GOLGA1: variants seen among roughly 807,000 people sequenced by gnomAD.
GOLGA1 encodes golgin A1.
A neutral mutation model predicts 119.7 loss-of-function variants in GOLGA1; 63 were observed. The observed-to-expected ratio is 0.53, with a 90% CI of 0.43 to 0.65. The LOEUF (loss-of-function observed/expected upper bound fraction) is 0.65, where lower values mean the gene tolerates loss of function less well. GOLGA1 is among the 30% of genes least tolerant of loss of function. The probability of loss-of-function intolerance (pLI) is 0.00; values close to 1 mark genes in which losing one functional copy is unlikely to be tolerated. For missense variants in GOLGA1, 798 were observed against 912.8 expected, an observed-to-expected ratio of 0.87 and a Z score of 1.62; for synonymous variants, 318 against 333.4, an observed-to-expected ratio of 0.95 and a Z score of 0.50.
intron 12 of GOLGA1, among the ~76,000 whole-genome samples, chr9:124,902,052 A>C (rs1830117994): frequency 6.6e-6 from 1 of 152,192 alleles, no homozygotes; most frequent in Admixed American, 6.5e-5. Context: ...TACATCTATG[A>C]ATTTCTCTTA....
At chr9:124,920,417 A>G (rs1030471549) in intron 10 of GOLGA1, among the ~76,000 whole-genome samples, 2 of 151,868 alleles carry the variant, frequency 1.3e-5, no homozygotes, top group African/African-American at 4.8e-5. Flanking sequence ...ACTACTTTAT[A>G]TTCAAAAATA....
intron 19 of GOLGA1, 34 bp from the exon 20 acceptor site, chr9:124,882,603 G>A (rs596231): frequency 1 from 1,580,154 of 1,585,470 alleles, 787,559 homozygotes; most frequent in East Asian, 1. Flanking sequence ...AAAGCCAATC[G>A]TTAGATGCAT....
At chr9:124,892,889 G>A (rs908390093) in intron 15 of GOLGA1, among the ~76,000 whole-genome samples, 5 of 146,292 alleles carry the variant, frequency 3.4e-5, no homozygotes, top group South Asian at 4.3e-4. Context: ...CCGAGATCAC[G>A]CCATTGCACT....
intron 15 of GOLGA1, 25 bp from the exon 16 acceptor site, chr9:124,890,503 C>T (rs772470633): frequency 1.3e-6 from 2 of 1,562,432 alleles, no homozygotes. Flanking sequence ...ACCACTGAGC[C>T]CCAAAACTTA....
chr9:124,890,410 T>C lies in GOLGA1; in HGVS notation c.1476A>G (p.Gln492=), dbSNP rs140097195. The C allele has an allele frequency of 4.5e-5, 73 of 1,613,192 alleles. No homozygotes were observed. The highest frequency in any genetic ancestry group is 6.0e-5 in the Non-Finnish European group (71 of 1,179,236). ...MAQALEEVRK[Q]REEFQQQAAN... is the part of the protein sequence containing the mutation. ...CCACCTGTTGCTGGAACTCTTCCCT[T>C]TGCTTCCGCACCTCCTCCAGGGCTT... is the stretch of plus-strand genomic sequence containing the variant. Residue 492 remains glutamine (Q), a synonymous_variant, in exon 16 of 23, where the codon CAA becomes CAG. Transcript: ENST00000373555.
At chr9:124,891,794 G>A (rs1449596427) in intron 15 of GOLGA1, among the ~76,000 whole-genome samples, 1 of 151,694 alleles carries the variant, frequency 6.6e-6, no homozygotes, top group African/African-American at 2.4e-5. Flanking sequence ...ACAGGCATGT[G>A]CCACCACACC....
chr9:124,885,926 T>A (rs1829710693), intron 19 of GOLGA1, among the ~76,000 whole-genome samples: 1 of 152,206 alleles, frequency 6.6e-6, no homozygotes, highest in Non-Finnish European at 1.5e-5. Context: ...AATGGTAACC[T>A]GAAGCAGGTG....
chr9:124,899,988 A>G (rs1268713012), intron 13 of GOLGA1, among the ~76,000 whole-genome samples: 1 of 152,218 alleles, frequency 6.6e-6, no homozygotes, highest in South Asian at 2.1e-4. Context: ...CTAAACGAAA[A>G]CACGTGCATA....
At chr9:124,942,418 A>T (rs186390887), upstream of GOLGA1, among the ~76,000 whole-genome samples, 10 of 152,300 alleles carry the variant, frequency 6.6e-5, no homozygotes, top group Admixed American at 6.5e-4. Flanking sequence ...CCAATTCTTC[A>T]ACAGTCCCTT....
At chr9:124,885,177 AT>A (rs1226258710) in intron 19 of GOLGA1, among the ~76,000 whole-genome samples, 2 of 152,182 alleles carry the variant, frequency 1.3e-5, no homozygotes, top group African/African-American at 2.4e-5. Context: ...AAATACAAAA[AT>A]TAGCTGGGCG....
chr9:124,885,067 G>A (rs1482127432), intron 19 of GOLGA1, among the ~76,000 whole-genome samples: 1 of 152,074 alleles, frequency 6.6e-6, no homozygotes, highest in Non-Finnish European at 1.5e-5. Flanking sequence ...AGTGGCTCAC[G>A]CCTGTAATCC....
chr9:124,904,799 G>A (rs1208875999), intron 12 of GOLGA1, among the ~76,000 whole-genome samples: 2 of 152,050 alleles, frequency 1.3e-5, no homozygotes, highest in African/African-American at 4.8e-5. Flanking sequence ...AATTAGCTGG[G>A]CATGGTCACA....
At chr9:124,890,840 GA>G (rs1236469442) in intron 15 of GOLGA1, among the ~76,000 whole-genome samples, 1 of 151,998 alleles carries the variant, frequency 6.6e-6, no homozygotes, top group Admixed American at 6.6e-5. Context: ...TGGGGGACTG[GA>G]ACAATTGGTT....
At position 124,941,037 on chromosome 9, in the gene GOLGA1, A is replaced by G. The variant is rs1831007498; in HGVS notation, c.-272T>C. On this transcript the variant is annotated 5_prime_UTR_variant, in exon 1 of 23. Coordinates refer to ENST00000373555, the MANE Select transcript of GOLGA1 (RefSeq NM_002077.4). ...CCTCTCGTGAGCCCCGGCCCGCGTC[A>G]CCAACCCCCACCGCCCAGCCGGCGA... 6.6e-6 allele frequency: 1 copy of G among 152,372 alleles called. No individual in the cohort carries two copies. The highest frequency in any genetic ancestry group is 1.5e-5 in the Non-Finnish European group (1 of 68,104). 9.4% of individuals were successfully genotyped at this position (152,372 alleles called of 1,614,324 possible). A position where few individuals can be genotyped will look rare whatever the true frequency, so the allele number is the denominator to read the frequency against.
At chr9:124,936,820 T>C (rs1406363496) in intron 3 of GOLGA1, among the ~76,000 whole-genome samples, 1 of 152,186 alleles carries the variant, frequency 6.6e-6, no homozygotes. Context: ...TTTATAAGCA[T>C]GTTGAATTAA....
rs1438397632 is a variant in GOLGA1, at chr9:124,900,440, A to G, written c.1161+12T>C. On this transcript the variant is annotated intron_variant, in intron 13 of 22. Coordinates refer to ENST00000373555, the MANE Select transcript of GOLGA1 (RefSeq NM_002077.4). ...AAGGGCCTGGAATGCAGCAGCTCCA[A>G]TAAGCACTTACGAGCTCCTGTATCT... is the stretch of plus-strand genomic sequence containing the variant. 7.6e-7 allele frequency: 1 copy of G among 1,319,226 alleles called. No homozygotes were observed. Among genetic ancestry groups the G allele is most frequent in the South Asian group, 1.2e-5 (1 of 85,250 alleles). 81.7% of individuals were successfully genotyped at this position (1,319,226 alleles called of 1,614,324 possible). A position where few individuals can be genotyped will look rare whatever the true frequency, so the allele number is the denominator to read the frequency against.
At chr9:124,902,829 T>G (rs1168198059) in intron 12 of GOLGA1, among the ~76,000 whole-genome samples, 1 of 152,130 alleles carries the variant, frequency 6.6e-6, no homozygotes, top group African/African-American at 2.4e-5. Context: ...CTCACATACA[T>G]TCACATCTTA....
intron 3 of GOLGA1, among the ~76,000 whole-genome samples, chr9:124,932,610 A>AGG (rs1830788907): frequency 1.3e-5 from 2 of 152,186 alleles, no homozygotes; most frequent in African/African-American, 4.8e-5. Flanking sequence ...AATCCCTAAA[A>AGG]CACAGCCTGG....
At chr9:124,916,003 G>A (rs997288200) in intron 10 of GOLGA1, among the ~76,000 whole-genome samples, 3 of 149,022 alleles carry the variant, frequency 2.0e-5, no homozygotes, top group Admixed American at 6.7e-5. Context: ...TCGGGATGCT[G>A]AGGCAGGAGA....
Sources: allele counts gnomAD v4.1 joint callset (sites outside exome capture counted in the v4.1 genomes callset), GRCh38; gene constraint gnomAD v4.1.1; transcripts MANE v1.5; gene names NCBI Gene and HGNC (gene_info 2026-07-23, HGNC 2026-07-21).